The following DLGAP2 variants were observed in gnomAD, a reference collection of about 807,000 sequenced individuals.
DLGAP2 encodes DLG associated protein 2.
A neutral mutation model predicts 100.3 loss-of-function variants in DLGAP2; 26 were observed. The ratio of observed to expected loss-of-function variants is 0.26; its 90% confidence interval spans 0.19 to 0.36. The LOEUF is 0.36. DLGAP2 is among the 10% of genes least tolerant of loss of function. The pLI, the probability that DLGAP2 is intolerant of heterozygous loss-of-function variation, is 1.00. For synonymous variants in DLGAP2, 886 were observed against 630.1 expected (o/e 1.41, Z -6.08); for missense variants, 1,858 against 1,453.2 (o/e 1.28, Z -4.53).
chr8:1,193,201 C>G (rs1411351183), intron 2 of DLGAP2, among the ~76,000 whole-genome samples: 1 of 152,196 alleles, frequency 6.6e-6, no homozygotes, highest in African/African-American at 2.4e-5. Context: ...AATGGGATTG[C>G]TGGGTCAAAT....
intron 2 of DLGAP2, among the ~76,000 whole-genome samples, chr8:1,215,840 C>G (rs1448540089): frequency 1.5e-5 from 2 of 137,352 alleles, no homozygotes; most frequent in Non-Finnish European, 3.0e-5. Context: ...GTCCAGGTAC[C>G]TGGATGGGTT....
At chr8:1,644,567 C>G (rs1017316625) in intron 8 of DLGAP2, among the ~76,000 whole-genome samples, 14 of 152,260 alleles carry the variant, frequency 9.2e-5, no homozygotes, top group African/African-American at 3.1e-4. Context: ...CTGATCTGAT[C>G]AGCGTCTGCA....
intron 2 of DLGAP2, among the ~76,000 whole-genome samples, chr8:916,345 C>A (rs368839240): frequency 6.6e-6 from 1 of 152,132 alleles, no homozygotes; most frequent in Non-Finnish European, 1.5e-5. Context: ...TACTATGCAG[C>A]CATAAAAAAT....
chr8:920,259 A>C (rs1798680566), intron 2 of DLGAP2, among the ~76,000 whole-genome samples: 1 of 152,208 alleles, frequency 6.6e-6, no homozygotes, highest in Admixed American at 6.5e-5. Flanking sequence ...GCACTTACCC[A>C]AATTCTGGGC....
intron 3 of DLGAP2, among the ~76,000 whole-genome samples, chr8:1,303,727 G>A (rs931616857): frequency 1.3e-5 from 2 of 152,106 alleles, no homozygotes; most frequent in African/African-American, 4.8e-5. Context: ...TTCCTCCCAG[G>A]CATTTTCTCC....
chr8:1,431,571 C>A (rs1234996665), intron 3 of DLGAP2, among the ~76,000 whole-genome samples: 1 of 152,190 alleles, frequency 6.6e-6, no homozygotes, highest in Non-Finnish European at 1.5e-5. Flanking sequence ...GTTCCCAGGC[C>A]AAAGGCAGCA....
At chr8:1,687,404 T>C (rs750732489) in intron 12 of DLGAP2, among the ~76,000 whole-genome samples, 1 of 152,220 alleles carries the variant, frequency 6.6e-6, no homozygotes, top group Admixed American at 6.5e-5. Flanking sequence ...TGCAAGTGTC[T>C]AAACTATGGC....
At chr8:1,406,869 C>T (rs1251357355) in intron 3 of DLGAP2, among the ~76,000 whole-genome samples, 15 of 12,992 alleles carry the variant, frequency 1.2e-3, no homozygotes, top group Admixed American at 1.8e-3. Flanking sequence ...GCCACCTCCT[C>T]GTCCTCCAGA....
intron 3 of DLGAP2, among the ~76,000 whole-genome samples, chr8:1,308,372 A>T (rs1800540100): frequency 6.6e-6 from 1 of 152,234 alleles, no homozygotes; most frequent in East Asian, 1.9e-4. Context: ...AGACTACACC[A>T]GCCTTCAACA....
At chr8:1,174,735 C>T (rs1797217320) in intron 2 of DLGAP2, among the ~76,000 whole-genome samples, 2 of 152,066 alleles carry the variant, frequency 1.3e-5, no homozygotes, top group Non-Finnish European at 2.9e-5. Flanking sequence ...TTACCATGAC[C>T]AAAATCATTA....
At chr8:1,062,390 T>A (rs1281089575) in intron 2 of DLGAP2, among the ~76,000 whole-genome samples, 1 of 152,220 alleles carries the variant, frequency 6.6e-6, no homozygotes, top group Non-Finnish European at 1.5e-5. Context: ...CTCGCAAGGA[T>A]GTGGAAGCTT....
At chr8:1,037,138 C>T (rs543941752) in intron 2 of DLGAP2, among the ~76,000 whole-genome samples, 16 of 152,232 alleles carry the variant, frequency 1.1e-4, no homozygotes, top group African/African-American at 3.1e-4. Context: ...GAGAGGAATC[C>T]GAGGTGGATT....
At chr8:1,211,762 CT>C (rs1434764473) in intron 2 of DLGAP2, among the ~76,000 whole-genome samples, 1 of 152,170 alleles carries the variant, frequency 6.6e-6, no homozygotes, top group Non-Finnish European at 1.5e-5. Context: ...GTAATCCCAG[CT>C]ACTCAGGAGG....
At chr8:1,030,799 G>C (rs1801949507) in intron 2 of DLGAP2, among the ~76,000 whole-genome samples, 1 of 152,174 alleles carries the variant, frequency 6.6e-6, no homozygotes, top group Non-Finnish European at 1.5e-5. Context: ...CTAAGTTAAA[G>C]CAAAGGCACT....
intron 3 of DLGAP2, among the ~76,000 whole-genome samples, chr8:1,416,685 T>C (rs1375565638): frequency 6.6e-6 from 1 of 152,114 alleles, no homozygotes; most frequent in Non-Finnish European, 1.5e-5. Flanking sequence ...CCAAAGTGTC[T>C]ATCAGGTCAC....
intron 2 of DLGAP2, among the ~76,000 whole-genome samples, chr8:1,025,978 G>A (rs999391750): frequency 2.0e-5 from 3 of 152,222 alleles, no homozygotes; most frequent in African/African-American, 7.2e-5. Flanking sequence ...TCCAGCAGCA[G>A]GGCTGAGACG....
chr8:1,073,614 G>A (rs1803501246), intron 2 of DLGAP2, among the ~76,000 whole-genome samples: 1 of 152,180 alleles, frequency 6.6e-6, no homozygotes, highest in Admixed American at 6.5e-5. Context: ...TGAAATGGTG[G>A]AACGTGGCAC....
chr8:856,171 A>T (rs1419497282), intron 1 of DLGAP2, among the ~76,000 whole-genome samples: 1 of 126,578 alleles, frequency 7.9e-6, no homozygotes, highest in East Asian at 2.7e-4. Flanking sequence ...TAGTGGAAAA[A>T]TCTTCTTCTT....
chr8:1,359,876 A>T (rs1307588754), intron 3 of DLGAP2, among the ~76,000 whole-genome samples: 3 of 152,240 alleles, frequency 2.0e-5, no homozygotes, highest in Non-Finnish European at 4.4e-5. Context: ...TTTTCTGTCC[A>T]TAAATTTGTT....
Sources: allele counts gnomAD v4.1 joint callset (sites outside exome capture counted in the v4.1 genomes callset), GRCh38; gene constraint gnomAD v4.1.1; transcripts MANE v1.5; gene names NCBI Gene and HGNC (gene_info 2026-07-23, HGNC 2026-07-21).